SMYD3: variants seen among roughly 807,000 people sequenced by gnomAD.
SMYD3 encodes histone-lysine N-methyltransferase SMYD3.
Under a neutral mutation model 57.7 loss-of-function variants are expected in SMYD3, and 36 were observed. The ratio of observed to expected loss-of-function variants is 0.62; its 90% CI spans 0.48 to 0.82. The LOEUF (loss-of-function observed/expected upper bound fraction) is 0.82, where lower values mean the gene tolerates loss of function less well. SMYD3 is among the 40% of genes least tolerant of loss of function. SMYD3 has a pLI of 0.00. For synonymous variants in SMYD3, 211 were observed against 195.0 expected, an observed-to-expected ratio of 1.08 and a Z score of -0.68; for missense variants, 515 against 538.8, an observed-to-expected ratio of 0.96 and a Z score of 0.44.
intron 10 of SMYD3, among the ~76,000 whole-genome samples, chr1:245,826,824 A>C (rs58861451): frequency 0.022 from 3,116 of 139,220 alleles, 60 homozygotes; most frequent in East Asian, 0.084. Flanking sequence ...AGGAACTACC[A>C]AACGCTTACA....
intron 10 of SMYD3, among the ~76,000 whole-genome samples, chr1:245,837,416 G>C (rs530658692): frequency 6.6e-6 from 1 of 152,044 alleles, no homozygotes; most frequent in South Asian, 2.1e-4. Context: ...AAAGGGGCTA[G>C]AGCAGTGGCT....
At chr1:245,815,338 C>A (rs2048742899) in intron 10 of SMYD3, among the ~76,000 whole-genome samples, 1 of 152,202 alleles carries the variant, frequency 6.6e-6, no homozygotes, top group Non-Finnish European at 1.5e-5. Flanking sequence ...TTCAGGGGTG[C>A]ACACAGACAT....
chr1:245,873,713 G>A (rs149349809), intron 8 of SMYD3, among the ~76,000 whole-genome samples: 15 of 152,348 alleles, frequency 9.8e-5, no homozygotes, highest in African/African-American at 3.6e-4. Flanking sequence ...TGTCCCGAAG[G>A]CGAAGGTTAT....
At chr1:246,058,913 C>T (rs1196801525) in intron 5 of SMYD3, among the ~76,000 whole-genome samples, 3 of 147,936 alleles carry the variant, frequency 2.0e-5, no homozygotes, top group Admixed American at 6.8e-5. Flanking sequence ...GAGTCTCTGT[C>T]GCCCAGGCTG....
intron 1 of SMYD3, among the ~76,000 whole-genome samples, chr1:246,440,518 T>C (rs1003487902): frequency 2.6e-5 from 4 of 152,200 alleles, no homozygotes; most frequent in African/African-American, 9.7e-5. Context: ...TATATTTTTT[T>C]AATTATGAAG....
chr1:246,272,708 A>C (rs2064245728), intron 5 of SMYD3, among the ~76,000 whole-genome samples: 1 of 152,134 alleles, frequency 6.6e-6, no homozygotes, highest in Admixed American at 6.5e-5. Flanking sequence ...GAAAATTTTT[A>C]CATCAGTGTT....
intron 1 of SMYD3, among the ~76,000 whole-genome samples, chr1:246,378,030 C>G (rs1036842213): frequency 2.0e-5 from 3 of 152,180 alleles, no homozygotes; most frequent in Non-Finnish European, 2.9e-5. Flanking sequence ...CTTTTCATGT[C>G]TATTCACCAT....
At chr1:246,094,040 T>A (rs1229077371) in intron 5 of SMYD3, among the ~76,000 whole-genome samples, 1 of 152,146 alleles carries the variant, frequency 6.6e-6, no homozygotes, top group Admixed American at 6.5e-5. Context: ...AAAACCCACT[T>A]GGCCATAAGG....
At chr1:246,418,778 A>G (rs916811624) in intron 1 of SMYD3, among the ~76,000 whole-genome samples, 1 of 152,044 alleles carries the variant, frequency 6.6e-6, no homozygotes, top group Admixed American at 6.5e-5. Flanking sequence ...ACGGCCTCCC[A>G]GCGTGCTGGC....
At chr1:246,019,607 A>G (rs1396557229) in intron 5 of SMYD3, among the ~76,000 whole-genome samples, 2 of 152,216 alleles carry the variant, frequency 1.3e-5, no homozygotes, top group African/African-American at 4.8e-5. Flanking sequence ...GGACTCACCT[A>G]ATTCATAAAG....
intron 1 of SMYD3, among the ~76,000 whole-genome samples, chr1:246,481,901 A>T (rs1174943923): frequency 6.6e-6 from 1 of 151,796 alleles, no homozygotes; most frequent in African/African-American, 2.4e-5. Context: ...TCACACTTGC[A>T]ATCCCAGCAC....
At chr1:245,803,508 C>T (rs2047975160) in intron 10 of SMYD3, among the ~76,000 whole-genome samples, 1 of 152,164 alleles carries the variant, frequency 6.6e-6, no homozygotes, top group Admixed American at 6.5e-5. Flanking sequence ...CCCCCAGTGG[C>T]TGGGGAAAGT....
At chr1:246,464,041 GTC>G (rs1277185027) in intron 1 of SMYD3, among the ~76,000 whole-genome samples, 1 of 152,114 alleles carries the variant, frequency 6.6e-6, no homozygotes, top group Admixed American at 6.5e-5. Flanking sequence ...GGAAGCTGGA[GTC>G]TCTGTTTATT....
chr1:246,294,714 T>A (rs1411563167), intron 5 of SMYD3, among the ~76,000 whole-genome samples: 1 of 152,084 alleles, frequency 6.6e-6, no homozygotes, highest in Non-Finnish European at 1.5e-5. Context: ...TTCTCCTGCC[T>A]CAGTCTCCCA....
intron 5 of SMYD3, among the ~76,000 whole-genome samples, chr1:245,970,907 G>C (rs1303919841): frequency 6.6e-6 from 1 of 152,182 alleles, no homozygotes; most frequent in African/African-American, 2.4e-5. Flanking sequence ...CAAGGATCTA[G>C]AACTAGAATT....
intron 10 of SMYD3, among the ~76,000 whole-genome samples, chr1:245,814,878 GCACACACGCATGCACA>G (rs1431948319): frequency 6.8e-6 from 1 of 147,272 alleles, no homozygotes; most frequent in African/African-American, 2.6e-5. Flanking sequence ...ACACACGCAC[GCACACACGCATGCACA>G]CACACACACT....
intron 8 of SMYD3, among the ~76,000 whole-genome samples, chr1:245,881,329 C>T (rs1174091744): frequency 6.6e-6 from 1 of 152,112 alleles, no homozygotes; most frequent in Non-Finnish European, 1.5e-5. Flanking sequence ...GGGTGGTTTA[C>T]ATGTGAGTTT....
intron 5 of SMYD3, among the ~76,000 whole-genome samples, chr1:246,036,003 C>A (rs2059766883): frequency 1.3e-5 from 2 of 152,114 alleles, no homozygotes; most frequent in Non-Finnish European, 2.9e-5. Context: ...ATGGGAGCAG[C>A]CAGAACCAGT....
chr1:246,060,528 A>C (rs1281582839), intron 5 of SMYD3, among the ~76,000 whole-genome samples: 1 of 151,822 alleles, frequency 6.6e-6, no homozygotes, highest in Non-Finnish European at 1.5e-5. Context: ...TGAAGATAAA[A>C]AAGGAAAAAA....
Sources: gnomAD v4.1 joint callset for allele counts (sites outside exome capture counted in the v4.1 genomes callset) on GRCh38, gnomAD v4.1.1 for gene constraint, MANE v1.5 for transcripts, NCBI Gene and HGNC (gene_info 2026-07-23, HGNC 2026-07-21) for gene names.